Variants in CSMD1 observed in about 807,000 individuals in gnomAD.
CSMD1 encodes the protein CUB and Sushi multiple domains 1, also known as CUB and sushi domain-containing protein 1.
CSMD1 carries 213 observed loss-of-function variants against 417.5 expected under a neutral mutation model. The observed-to-expected ratio is 0.51, with a 90% confidence interval of 0.46 to 0.57. CSMD1 has a LOEUF of 0.57. CSMD1 is among the 20% of genes least tolerant of loss of function. CSMD1 has a pLI of 0.00. For missense variants in CSMD1, 6,923 were observed against 4,529.7 expected (o/e 1.53, Z -15.17); for synonymous variants, 2,862 against 1,736.8 (o/e 1.65, Z -16.11).
intron 3 of CSMD1, among the ~76,000 whole-genome samples, chr8:4,230,555 C>CA (rs1307093610): frequency 6.6e-6 from 1 of 152,100 alleles, no homozygotes; most frequent in East Asian, 1.9e-4. Context: ...TTATATTGGA[C>CA]AATAAAGTCC....
chr8:3,559,592 T>A (rs896526693), intron 10 of CSMD1, among the ~76,000 whole-genome samples: 1 of 152,180 alleles, frequency 6.6e-6, no homozygotes, highest in Non-Finnish European at 1.5e-5. Context: ...ATACAAGTCT[T>A]AAAAATAAGT....
intron 3 of CSMD1, among the ~76,000 whole-genome samples, chr8:4,112,527 C>T (rs892838467): frequency 8.5e-5 from 13 of 152,146 alleles, no homozygotes; most frequent in African/African-American, 3.1e-4. Context: ...AAAAGACATC[C>T]CAAACTGGAC....
rs373716361 is a variant in CSMD1, at chr8:4,780,300, C to T, written c.86-142742G>A. ...GCCCAGGCTTTGTCTCTGTATACTGCGCTATATAATGGGGCTTTGGCTCTA... is the reference window on the plus strand; with the variant it reads ...GCCCAGGCTTTGTCTCTGTATACTGTGCTATATAATGGGGCTTTGGCTCTA... On this transcript the variant is annotated intron_variant, in intron 1 of 69. Coordinates refer to ENST00000635120, the MANE Select transcript of CSMD1 (RefSeq NM_033225.6). Among the ~76,000 whole-genome samples the T allele has an allele frequency of 3.5e-4, 54 of 152,256 alleles. 1 individual carries two copies. The highest frequency in any genetic ancestry group is 2.3e-3 in the East Asian group (12 of 5,170).
chr8:4,072,236 G>A (rs138148019), intron 3 of CSMD1, among the ~76,000 whole-genome samples: 93 of 152,292 alleles, frequency 6.1e-4, no homozygotes, highest in African/African-American at 2.0e-3. Context: ...TGCAAGTGAA[G>A]AAGGGTTGAA....
At chr8:3,704,334 C>A (rs769051085) in intron 7 of CSMD1, among the ~76,000 whole-genome samples, 1 of 152,266 alleles carries the variant, frequency 6.6e-6, no homozygotes, top group Non-Finnish European at 1.5e-5. Context: ...GAAAAATTTC[C>A]TCCCTTTTTC....
At chr8:4,454,593 G>T (rs151260948) in intron 2 of CSMD1, among the ~76,000 whole-genome samples, 1 of 152,188 alleles carries the variant, frequency 6.6e-6, no homozygotes, top group East Asian at 1.9e-4. Flanking sequence ...ATTTAGGGCT[G>T]GCTGGGGAAG....
chr8:4,115,061 T>C (rs1181759849), intron 3 of CSMD1, among the ~76,000 whole-genome samples: 1 of 152,212 alleles, frequency 6.6e-6, no homozygotes, highest in Non-Finnish European at 1.5e-5. Context: ...AAAGAATTGC[T>C]ACTCCGAGCA....
chr8:4,107,936 C>T (rs920224948), intron 3 of CSMD1, among the ~76,000 whole-genome samples: 2 of 152,142 alleles, frequency 1.3e-5, no homozygotes, highest in African/African-American at 4.8e-5. Flanking sequence ...AAGTTTTGCC[C>T]CCTACGGACT....
Position 3,224,086 on chromosome 8 carries a change from T to C in CSMD1, c.4346-219A>G, listed in dbSNP as rs564831594. Among the ~76,000 whole-genome samples, 48 of 152,316 alleles carry C rather than the reference T, an allele frequency of 3.2e-4. No individual in the cohort carries two copies. The South Asian group carries it at 9.1e-3, about 29-fold the overall frequency. Reference sequence around the variant, plus strand: ...AACTGTTAATGAATTTTACATAATATTCCACCCCATTTTCAAAGAGAATTT... The same window carrying C: ...AACTGTTAATGAATTTTACATAATACTCCACCCCATTTTCAAAGAGAATTT... On this transcript the variant is annotated intron_variant, in intron 27 of 69. Transcript: ENST00000635120.
intron 15 of CSMD1, among the ~76,000 whole-genome samples, chr8:3,405,724 G>A (rs140753276): frequency 5.9e-5 from 9 of 152,286 alleles, no homozygotes; most frequent in African/African-American, 2.2e-4. Context: ...CAGAGATGAG[G>A]GTGAGGCTTC....
chr8:3,170,216 A>T lies in CSMD1; in HGVS notation c.5726-7939T>A, dbSNP rs555413130. On this transcript the variant is annotated intron_variant, in intron 37 of 69. Coordinates refer to ENST00000635120, the MANE Select transcript of CSMD1 (RefSeq NM_033225.6). The stretch of plus-strand genomic sequence containing the variant: ...GTTTTATTTCTTTTTATTGTATTTT[A>T]TTTTTTTTTGAGACGGAGTCTCGCT... 4.2e-4 allele frequency among the ~76,000 whole-genome samples: 63 copies of T among 151,148 alleles called. No individual in the cohort carries two copies. In the East Asian group the frequency reaches 0.012, roughly 30 times the overall value.
At chr8:4,519,245 C>G (rs1803295739) in intron 2 of CSMD1, among the ~76,000 whole-genome samples, 1 of 152,014 alleles carries the variant, frequency 6.6e-6, no homozygotes. Context: ...AATGCATACT[C>G]AATGCTGGCC....
At chr8:4,000,723 T>G (rs916090796) in intron 4 of CSMD1, among the ~76,000 whole-genome samples, 9 of 152,056 alleles carry the variant, frequency 5.9e-5, no homozygotes, top group African/African-American at 2.2e-4. Flanking sequence ...GTAATAATTG[T>G]TTTTCATGTA....
chr8:4,735,601 A>G (rs1810179460), intron 1 of CSMD1, among the ~76,000 whole-genome samples: 1 of 152,184 alleles, frequency 6.6e-6, no homozygotes, highest in South Asian at 2.1e-4. Context: ...GACAATTACT[A>G]AATATAATAC....
At chr8:4,728,168 ATATT>A (rs1473187292) in intron 1 of CSMD1, among the ~76,000 whole-genome samples, 4 of 147,362 alleles carry the variant, frequency 2.7e-5, no homozygotes, top group East Asian at 2.0e-4. Flanking sequence ...TTTTATATAT[ATATT>A]TATTTGGCAT....
At chr8:4,066,747 C>G (rs1563078049) in intron 3 of CSMD1, among the ~76,000 whole-genome samples, 1 of 152,084 alleles carries the variant, frequency 6.6e-6, no homozygotes, top group Non-Finnish European at 1.5e-5. Flanking sequence ...GAGATGCAAT[C>G]CAAACCACAA....
intron 3 of CSMD1, among the ~76,000 whole-genome samples, chr8:4,275,308 G>C (rs1479735141): frequency 6.6e-6 from 1 of 152,110 alleles, no homozygotes; most frequent in Admixed American, 6.6e-5. Flanking sequence ...AAACTGTAAG[G>C]TCAGAAGGTA....
chr8:3,453,752 T>C lies in CSMD1; in HGVS notation c.1561+14960A>G, dbSNP rs192371744. Reference sequence around the variant, plus strand: ...TACAACTATGTGGTCAATTTTGGAATAGGTGTGGTATGGTGCTGAAAAGAA... The same window carrying C: ...TACAACTATGTGGTCAATTTTGGAACAGGTGTGGTATGGTGCTGAAAAGAA... On this transcript the variant is annotated intron_variant, in intron 12 of 69. Transcript: ENST00000635120. 2.0e-4 allele frequency among the ~76,000 whole-genome samples: 31 copies of C among 152,316 alleles called. No homozygotes were observed. In the East Asian group the frequency reaches 5.6e-3, roughly 28 times the overall value.
At chr8:4,305,764 A>G (rs1415241109) in intron 3 of CSMD1, among the ~76,000 whole-genome samples, 1 of 152,140 alleles carries the variant, frequency 6.6e-6, no homozygotes, top group Non-Finnish European at 1.5e-5. Context: ...ACTGATCTGT[A>G]TTTTAAATTT....
Sources: gnomAD v4.1 joint callset for allele counts (sites outside exome capture counted in the v4.1 genomes callset) on GRCh38, gnomAD v4.1.1 for gene constraint, MANE v1.5 for transcripts, NCBI Gene and HGNC (gene_info 2026-07-23, HGNC 2026-07-21) for gene names.